Variants in KAT6B observed in about 807,000 individuals in gnomAD.
KAT6B encodes the protein histone acetyltransferase KAT6B.
KAT6B carries 10 observed loss-of-function variants against 187.5 expected under a neutral mutation model. The observed-to-expected ratio is 0.05, with a 90% CI of 0.03 to 0.09. The LOEUF (loss-of-function observed/expected upper bound fraction) is 0.09. Among genes scored for constraint, KAT6B ranks in the 10% least tolerant of loss-of-function variants. The probability of loss-of-function intolerance (pLI) is 1.00; values close to 1 mark genes in which losing one functional copy is unlikely to be tolerated. For synonymous variants in KAT6B, 861 were observed against 926.8 expected, an observed-to-expected ratio of 0.93 and a Z score of 1.29; for missense variants, 1,952 against 2,558.9, an observed-to-expected ratio of 0.76 and a Z score of 5.12.
At chr10:74,971,303 G>C (rs1419867875) in intron 6 of KAT6B, among the ~76,000 whole-genome samples, 3 of 152,150 alleles carry the variant, frequency 2.0e-5, no homozygotes, top group Non-Finnish European at 2.9e-5. Context: ...ATGAAAGGCT[G>C]TATCAGTTTT....
intron 3 of KAT6B, among the ~76,000 whole-genome samples, chr10:74,888,424 G>A (rs2132609852): frequency 6.6e-6 from 1 of 151,954 alleles, no homozygotes; most frequent in East Asian, 1.9e-4. Flanking sequence ...AGAATAAATG[G>A]GCAAAAGATA....
intron 3 of KAT6B, among the ~76,000 whole-genome samples, chr10:74,900,562 A>T (rs1233976580): frequency 6.6e-6 from 1 of 152,226 alleles, no homozygotes; most frequent in Non-Finnish European, 1.5e-5. Flanking sequence ...TGTTGGAGGC[A>T]TGTGCCCATG....
chr10:74,841,866 G>A (rs1271563679), intron 2 of KAT6B, among the ~76,000 whole-genome samples: 1 of 152,154 alleles, frequency 6.6e-6, no homozygotes, highest in Non-Finnish European at 1.5e-5. Flanking sequence ...GAGATCTAGG[G>A]TGGTTTTTGT....
intron 3 of KAT6B, among the ~76,000 whole-genome samples, chr10:74,876,003 A>T (rs1844389060): frequency 6.6e-6 from 1 of 152,210 alleles, no homozygotes; most frequent in Non-Finnish European, 1.5e-5. Context: ...AGTGTGCACC[A>T]CTTTATTCAT....
intron 3 of KAT6B, among the ~76,000 whole-genome samples, chr10:74,894,121 C>T (rs559421511): frequency 2.2e-4 from 33 of 152,272 alleles, no homozygotes; most frequent in Non-Finnish European, 2.6e-4. Context: ...CTCCCTCTGT[C>T]GCCCAGGCTG....
chr10:74,972,697 T>C (rs1841925662), intron 7 of KAT6B, 58 bp downstream of exon 7: 1 of 1,476,200 alleles, frequency 6.8e-7, no homozygotes, highest in African/African-American at 1.4e-5. Flanking sequence ...ATATAGGTGA[T>C]TGTTATTCTC....
intron 13 of KAT6B, among the ~76,000 whole-genome samples, chr10:75,016,763 G>T (rs1486245375): frequency 6.6e-6 from 1 of 152,176 alleles, no homozygotes; most frequent in African/African-American, 2.4e-5. Context: ...CCGAGTTAAG[G>T]AGAAGTGTTA....
At chr10:75,014,728 T>A (rs1339848757) in intron 13 of KAT6B, among the ~76,000 whole-genome samples, 4 of 152,206 alleles carry the variant, frequency 2.6e-5, no homozygotes, top group Non-Finnish European at 5.9e-5. Flanking sequence ...GTCCATGCTG[T>A]TAACCAGAAC....
At chr10:74,886,965 A>G (rs1845326206) in intron 3 of KAT6B, among the ~76,000 whole-genome samples, 1 of 152,062 alleles carries the variant, frequency 6.6e-6, no homozygotes, top group Admixed American at 6.6e-5. Flanking sequence ...TGTAAGGGAG[A>G]CCATGTCAGC....
intron 3 of KAT6B, among the ~76,000 whole-genome samples, chr10:74,902,894 A>G (rs1466668687): frequency 6.6e-6 from 1 of 152,186 alleles, no homozygotes; most frequent in Non-Finnish European, 1.5e-5. Flanking sequence ...AGTACTTGAC[A>G]TATTGTCTCA....
intron 3 of KAT6B, among the ~76,000 whole-genome samples, chr10:74,913,965 T>A (rs1847442002): frequency 6.6e-6 from 1 of 152,108 alleles, no homozygotes; most frequent in Non-Finnish European, 1.5e-5. Flanking sequence ...GCAGGCGGAT[T>A]GCCTGAGCTC....
chr10:74,981,990 A>G (rs1170589535), intron 11 of KAT6B, 62 bp downstream of exon 11: 9 of 1,457,656 alleles, frequency 6.2e-6, no homozygotes, highest in South Asian at 2.3e-5. Flanking sequence ...ATTGTTGACT[A>G]TGTGCTGATT....
intron 3 of KAT6B, among the ~76,000 whole-genome samples, chr10:74,947,654 T>C (rs1426916958): frequency 2.0e-5 from 3 of 152,232 alleles, no homozygotes; most frequent in Non-Finnish European, 2.9e-5. Context: ...ATAATGGGCT[T>C]TTTCTTCCTT....
intron 4 of KAT6B, among the ~76,000 whole-genome samples, chr10:74,968,812 C>T (rs1364218819): frequency 6.6e-6 from 1 of 152,196 alleles, no homozygotes; most frequent in Non-Finnish European, 1.5e-5. Flanking sequence ...TCACGCTCCG[C>T]ACACCTCTTG....
intron 3 of KAT6B, among the ~76,000 whole-genome samples, chr10:74,869,972 A>T (rs1843797729): frequency 6.6e-6 from 1 of 152,216 alleles, no homozygotes; most frequent in African/African-American, 2.4e-5. Context: ...CTGAGATAAC[A>T]TACAGAGATT....
intron 3 of KAT6B, among the ~76,000 whole-genome samples, chr10:74,932,688 T>C (rs1052136185): frequency 5.3e-5 from 8 of 152,116 alleles, no homozygotes; most frequent in African/African-American, 1.9e-4. Context: ...GAGAAAAATA[T>C]CGACTTACGC....
intron 17 of KAT6B, among the ~76,000 whole-genome samples, chr10:75,028,281 T>C (rs936059475): frequency 3.9e-5 from 6 of 152,216 alleles, no homozygotes; most frequent in African/African-American, 1.4e-4. Context: ...GTTCCCAATA[T>C]GTTACTCTCC....
intron 3 of KAT6B, among the ~76,000 whole-genome samples, chr10:74,885,866 G>A (rs1845213292): frequency 6.6e-6 from 1 of 151,944 alleles, no homozygotes; most frequent in East Asian, 1.9e-4. Flanking sequence ...CGAGTAGCTG[G>A]GACTACAGGT....
chr10:74,971,276 G>A (rs975442288), intron 6 of KAT6B, among the ~76,000 whole-genome samples: 2 of 152,168 alleles, frequency 1.3e-5, no homozygotes, highest in South Asian at 4.2e-4. Flanking sequence ...GGAACTGTTG[G>A]ATCAAAGGCT....
Sources: gnomAD v4.1 joint callset for allele counts (sites outside exome capture counted in the v4.1 genomes callset) on GRCh38, gnomAD v4.1.1 for gene constraint, MANE v1.5 for transcripts, NCBI Gene and HGNC (gene_info 2026-07-23, HGNC 2026-07-21) for gene names.